Variants in LHFPL2 observed in about 807,000 individuals in gnomAD.
LHFPL2 encodes the protein LHFPL tetraspan subfamily member 2 protein.
Under a neutral mutation model 17.5 loss-of-function variants are expected in LHFPL2, and 7 were observed. The ratio of observed to expected loss-of-function variants is 0.40; its 90% CI spans 0.23 to 0.75. The LOEUF is 0.75. LHFPL2 is among the 30% of genes least tolerant of loss of function. The pLI, the probability that LHFPL2 is intolerant of heterozygous loss-of-function variation, is 0.37. For synonymous variants in LHFPL2, 134 were observed against 116.2 expected, an observed-to-expected ratio of 1.15 and a Z score of -0.99; for missense variants, 241 against 294.8, an observed-to-expected ratio of 0.82 and a Z score of 1.34.
chr5:78,647,560 C>A (rs1273820314), intron 1 of LHFPL2, among the ~76,000 whole-genome samples: 3 of 152,114 alleles, frequency 2.0e-5, no homozygotes, highest in Admixed American at 2.0e-4. Context: ...ACGTAGGTCA[C>A]CCACCGATGG....
At chr5:78,513,385 C>T (rs1430879313) in intron 3 of LHFPL2, among the ~76,000 whole-genome samples, 1 of 152,130 alleles carries the variant, frequency 6.6e-6, no homozygotes, top group African/African-American at 2.4e-5. Flanking sequence ...TTCACTGCAC[C>T]AAATTCTCAC....
chr5:78,636,087 C>G (rs1021281037), intron 1 of LHFPL2, among the ~76,000 whole-genome samples: 3 of 152,138 alleles, frequency 2.0e-5, no homozygotes, highest in African/African-American at 7.2e-5. Flanking sequence ...GCATCCTGTG[C>G]TCTTCTTGAG....
intron 3 of LHFPL2, among the ~76,000 whole-genome samples, chr5:78,515,843 A>G (rs1373668287): frequency 1.3e-5 from 2 of 152,204 alleles, no homozygotes; most frequent in Non-Finnish European, 2.9e-5. Context: ...TGAAGGGCAG[A>G]GGCAGGAGGA....
intron 3 of LHFPL2, among the ~76,000 whole-genome samples, chr5:78,552,303 T>G (rs1331793879): frequency 6.6e-6 from 1 of 152,094 alleles, no homozygotes; most frequent in Non-Finnish European, 1.5e-5. Context: ...CCGGCTAATT[T>G]TGTGTATTTT....
intron 2 of LHFPL2, among the ~76,000 whole-genome samples, chr5:78,618,549 A>T (rs1029456518): frequency 6.6e-6 from 1 of 152,222 alleles, no homozygotes; most frequent in African/African-American, 2.4e-5. Context: ...CTCTCCTGCC[A>T]TGATGGCCTT....
chr5:78,525,908 G>A (rs1051296205), intron 3 of LHFPL2, among the ~76,000 whole-genome samples: 1 of 152,158 alleles, frequency 6.6e-6, no homozygotes, highest in African/African-American at 2.4e-5. Flanking sequence ...AAGGAAGTAG[G>A]AAAGTGTGAG....
intron 2 of LHFPL2, among the ~76,000 whole-genome samples, chr5:78,601,969 A>C (rs1201554597): frequency 6.6e-6 from 1 of 152,200 alleles, no homozygotes; most frequent in Admixed American, 6.5e-5. Flanking sequence ...AAAATAAAAA[A>C]ATTAAAGACT....
At chr5:78,636,022 G>A (rs62378433) in intron 1 of LHFPL2, among the ~76,000 whole-genome samples, 5 of 131,544 alleles carry the variant, frequency 3.8e-5, no homozygotes, top group South Asian at 2.3e-4. Flanking sequence ...ACACACACGC[G>A]CACACAAACA....
chr5:78,500,678 A>G (rs1754746829), intron 4 of LHFPL2, among the ~76,000 whole-genome samples: 1 of 152,196 alleles, frequency 6.6e-6, no homozygotes, highest in African/African-American at 2.4e-5. Flanking sequence ...GTAATATAAC[A>G]AAGTAGGAGT....
chr5:78,499,369 T>C (rs1393062183), intron 4 of LHFPL2, among the ~76,000 whole-genome samples: 1 of 152,250 alleles, frequency 6.6e-6, no homozygotes, highest in Non-Finnish European at 1.5e-5. Context: ...CATGCAGTCC[T>C]GATAGCAATC....
chr5:78,576,078 G>T (rs899295956), intron 2 of LHFPL2, among the ~76,000 whole-genome samples: 1 of 152,006 alleles, frequency 6.6e-6, no homozygotes, highest in Non-Finnish European at 1.5e-5. Context: ...GGTGGATCAC[G>T]AGGTCAGGAT....
intron 2 of LHFPL2, among the ~76,000 whole-genome samples, chr5:78,565,226 A>G (rs1044570299): frequency 1.3e-5 from 2 of 152,250 alleles, no homozygotes; most frequent in Non-Finnish European, 2.9e-5. Context: ...AGGCTCAAAA[A>G]TCCAGAAACA....
chr5:78,593,377 C>T (rs566695664), intron 2 of LHFPL2, among the ~76,000 whole-genome samples: 1 of 152,232 alleles, frequency 6.6e-6, no homozygotes, highest in Non-Finnish European at 1.5e-5. Context: ...ATCTTTCCAC[C>T]TCTTGTTTTC....
Position 78,516,781 on chromosome 5 carries a change from A to T in LHFPL2, c.-185-6383T>A, listed in dbSNP as rs1041342924. Among the ~76,000 whole-genome samples the T allele has an allele frequency of 1.6e-4, 25 of 152,182 alleles. 1 individual carries two copies. The highest frequency in any genetic ancestry group is 5.9e-5 in the Non-Finnish European group (4 of 68,026). ...GGATGATAGGGACTGGGGCCCCCGA[A>T]GCCAGGGCAGACTGACTCAGAACCT... On this transcript the variant is annotated intron_variant, in intron 3 of 4. Transcript: ENST00000380345.
intron 3 of LHFPL2, among the ~76,000 whole-genome samples, chr5:78,562,704 GTC>G (rs754811130): frequency 1.1e-4 from 17 of 151,816 alleles, no homozygotes; most frequent in Non-Finnish European, 1.9e-4. Context: ...AACTCAGAAT[GTC>G]TGTTCTTGTG....
intron 2 of LHFPL2, among the ~76,000 whole-genome samples, chr5:78,592,289 C>G (rs547955856): frequency 2.0e-5 from 3 of 152,278 alleles, no homozygotes; most frequent in African/African-American, 7.2e-5. Flanking sequence ...CAAAGGAGTG[C>G]GGGATGGATG....
At chr5:78,632,158 C>G (rs1745276658) in intron 2 of LHFPL2, 106 bp downstream of exon 2, 1 of 152,144 alleles carries the variant, frequency 6.6e-6, no homozygotes, top group Non-Finnish European at 1.5e-5. Context: ...TTACACCTTT[C>G]TTAGAGAAGA....
intron 4 of LHFPL2, among the ~76,000 whole-genome samples, chr5:78,492,870 C>T (rs1754491135): frequency 6.6e-6 from 1 of 152,192 alleles, no homozygotes; most frequent in Admixed American, 6.5e-5. Flanking sequence ...CCGACAAGCA[C>T]AAGAGCGCCT....
At chr5:78,503,084 C>T (rs1754823031) in intron 4 of LHFPL2, among the ~76,000 whole-genome samples, 1 of 152,152 alleles carries the variant, frequency 6.6e-6, no homozygotes, top group South Asian at 2.1e-4. Context: ...GCTGACCGCG[C>T]TGTAGGACAG....
Sources: allele counts gnomAD v4.1 joint callset (sites outside exome capture counted in the v4.1 genomes callset), GRCh38; gene constraint gnomAD v4.1.1; transcripts MANE v1.5; gene names NCBI Gene and HGNC (gene_info 2026-07-23, HGNC 2026-07-21).